Variants in DPCD observed in about 807,000 individuals in gnomAD.
DPCD encodes deleted in primary ciliary dyskinesia homolog (mouse).
DPCD carries 20 observed loss-of-function variants against 26.4 expected under a neutral mutation model. The observed-to-expected ratio is 0.76, with a 90% confidence interval of 0.53 to 1.10. DPCD has a LOEUF of 1.10. DPCD is among the 50% of genes least tolerant of loss of function. DPCD has a pLI of 0.00. For missense variants in DPCD, 202 were observed against 253.9 expected, an observed-to-expected ratio of 0.80 and a Z score of 1.39; for synonymous variants, 97 against 94.2, an observed-to-expected ratio of 1.03 and a Z score of -0.17.
chr10:101,594,717 G>A lies in DPCD; in HGVS notation c.124G>A (p.Glu42Lys), dbSNP rs779878959. Residue 42 changes from glutamate to lysine, a missense_variant, in exon 2 of 6, where the codon GAG (glutamate) becomes AAG (lysine). Around this residue, in one of 3 missense-constraint regions of DPCD, gnomAD observed 37 missense variants for 76.0 expected, o/e 0.49. Coordinates refer to ENST00000370151, the MANE Select transcript of DPCD (RefSeq NM_015448.3). Reference sequence around the variant, plus strand: ...CAAGGAAATGGCTGAAGAATATGACGAGAAGACGAGTGAACTACTTGGTAA... The same window carrying A: ...CAAGGAAATGGCTGAAGAATATGACAAGAAGACGAGTGAACTACTTGGTAA... ...DGKEMAEEYDEKTSELLVRKW... is the reference protein window; with the variant it reads ...DGKEMAEEYDKKTSELLVRKW... 15 of 1,614,048 alleles carry A rather than the reference G, an allele frequency of 9.3e-6. No individual in the cohort carries two copies. Among genetic ancestry groups the A allele is most frequent in the South Asian group, 2.2e-5 (2 of 91,082 alleles).
intron 4 of DPCD, among the ~76,000 whole-genome samples, chr10:101,607,150 C>T (rs1225176640): frequency 6.6e-6 from 1 of 152,206 alleles, no homozygotes; most frequent in Non-Finnish European, 1.5e-5. Context: ...CTGCTTCCCT[C>T]CTGGTTCTGC....
At chr10:101,592,005 C>T (rs904542858) in intron 1 of DPCD, among the ~76,000 whole-genome samples, 6 of 151,966 alleles carry the variant, frequency 3.9e-5, no homozygotes, top group African/African-American at 1.4e-4. Context: ...TATTTTTATA[C>T]ATAAACTTCT....
At position 101,600,688 on chromosome 10, in the gene DPCD, CTCTCATCCTGATGCTTGCT is replaced by C. The variant is rs2063687535; in HGVS notation, c.146-41_146-23del. 6.3e-7 allele frequency: 1 copy of C among 1,594,662 alleles called. No homozygotes were observed. Among genetic ancestry groups the C allele is most frequent in the Non-Finnish European group, 8.5e-7 (1 of 1,171,182 alleles). ...GAAAAGAGCAGAGACCCTCTCTTCA[CTCTCATCCTGATGCTTGCT>C]TCTCATCCCGATGCTTGCTTCTCTC... On this transcript the variant is annotated intron_variant, in intron 2 of 5. Coordinates refer to ENST00000370151, the MANE Select transcript of DPCD (RefSeq NM_015448.3). This position sits in a 1 kb window ranked among gnomAD's most constrained non-coding sequence, Gnocchi z 4.7.
At position 101,590,420 on chromosome 10, in the gene DPCD, T is replaced by C. The variant is rs117590895; in HGVS notation, c.64+2020T>C. On this transcript the variant is annotated intron_variant, in intron 1 of 5. Coordinates refer to ENST00000370151, the MANE Select transcript of DPCD (RefSeq NM_015448.3). ...GCTAAAGATTTAGGACATTTTCTCA[T>C]AGGACAGTGGTTTTTGTTTTTATTG... 7.0e-3 allele frequency among the ~76,000 whole-genome samples: 1,059 copies of C among 152,282 alleles called. 12 individuals are homozygous for C. Among genetic ancestry groups the C allele is most frequent in the Non-Finnish European group, 8.1e-3 (549 of 68,022 alleles).
Position 101,588,375 on chromosome 10 carries a change from C to T in DPCD, c.39C>T (p.Ala13=), listed in dbSNP as rs747891304. ...GCTGGTTGGAGAGTCTGCGGACAGC[C>T]CAGAAGACTGCGCTGCTGCAGGACG... ...VTGWLESLRT[A]QKTALLQDGR... Residue 13 remains alanine, a synonymous_variant, in exon 1 of 6, where the codon GCC becomes GCT. Transcript: ENST00000370151. The T allele has an allele frequency of 3.7e-6, 6 of 1,600,114 alleles. No individual in the cohort carries two copies. The East Asian group carries it at 1.4e-4, about 36-fold the overall frequency.
At chr10:101,599,706 A>C (rs1297078324) in intron 2 of DPCD, among the ~76,000 whole-genome samples, 1 of 152,186 alleles carries the variant, frequency 6.6e-6, no homozygotes, top group East Asian at 1.9e-4. Flanking sequence ...ACCTGGAAAA[A>C]GACACAAACA....
chr10:101,598,929 T>C (rs950206286), intron 2 of DPCD, among the ~76,000 whole-genome samples: 1 of 152,156 alleles, frequency 6.6e-6, no homozygotes, highest in Non-Finnish European at 1.5e-5. Flanking sequence ...CTGGAGTAGA[T>C]GCTTTCTAAA....
intron 2 of DPCD, among the ~76,000 whole-genome samples, chr10:101,599,198 G>C (rs1159597050): frequency 1.3e-5 from 2 of 152,340 alleles, no homozygotes; most frequent in East Asian, 1.9e-4. Context: ...CTATAGTATA[G>C]AGTAGGGTAC....
At chr10:101,605,213 G>T (rs759663981) in intron 4 of DPCD, 1 of 1,550,204 alleles carries the variant, frequency 6.5e-7, no homozygotes, top group South Asian at 1.2e-5. Context: ...CCCCTCTGAG[G>T]TATGTGAGGC....
intron 4 of DPCD, among the ~76,000 whole-genome samples, chr10:101,606,074 G>A (rs759096849): frequency 1.3e-5 from 2 of 152,176 alleles, no homozygotes; most frequent in South Asian, 4.1e-4. Flanking sequence ...GGGGGAGAGC[G>A]GGGCATCTGC....
chr10:101,609,613 G>T lies in DPCD; in HGVS notation c.*142G>T. 2 of 655,674 alleles carry T rather than the reference G, an allele frequency of 3.1e-6. No homozygotes were observed. Among genetic ancestry groups the T allele is most frequent in the South Asian group, 3.9e-5 (2 of 51,132 alleles). The allele number at this position is 655,674 out of a possible 1,614,324, so 40.6% of individuals were successfully genotyped here. Reference sequence around the variant, plus strand: ...TGGGCATGGGGCACTCCTAGCCAGTGAGTCATGGTCATATTTCCTGAGTAA... The same window carrying T: ...TGGGCATGGGGCACTCCTAGCCAGTTAGTCATGGTCATATTTCCTGAGTAA... On this transcript the variant is annotated 3_prime_UTR_variant, in exon 6 of 6. Coordinates refer to ENST00000370151, the MANE Select transcript of DPCD (RefSeq NM_015448.3).
In DPCD at chr10:101,609,600, A is replaced by C. The variant is rs1401494409; in HGVS notation, c.*129A>C. On this transcript the variant is annotated 3_prime_UTR_variant, in exon 6 of 6. Transcript: ENST00000370151. ...GGTCTCTAAGAACTGGGCATGGGGC[A>C]CTCCTAGCCAGTGAGTCATGGTCAT... 2.5e-5 allele frequency: 18 copies of C among 706,986 alleles called. No homozygotes were observed. In the East Asian group the frequency reaches 2.7e-4, roughly 11 times the overall value. 43.8% of individuals were successfully genotyped at this position (706,986 alleles called of 1,614,324 possible). A position where few individuals can be genotyped will look rare whatever the true frequency, so the allele number is the denominator to read the frequency against.
intron 1 of DPCD, among the ~76,000 whole-genome samples, chr10:101,589,909 G>A (rs1428850706): frequency 6.6e-6 from 1 of 151,886 alleles, no homozygotes; most frequent in African/African-American, 2.4e-5. Flanking sequence ...TAAATAAGCC[G>A]TGCATCATGG....
intron 5 of DPCD, 91 bp downstream of exon 5, chr10:101,609,028 T>G (rs1488208350): frequency 9.1e-7 from 1 of 1,098,018 alleles, no homozygotes; most frequent in East Asian, 2.4e-5. Flanking sequence ...TCCTCAGTTC[T>G]AGCCCCAAGC....
chr10:101,591,745 A>G lies in DPCD; in HGVS notation c.65-2913A>G, dbSNP rs1191307929. ...TGCCCAAACTGGAGTGCAATGGCGC[A>G]ATCTCGGCGCACTGCAACCTTTGCC... On this transcript the variant is annotated intron_variant, in intron 1 of 5. Transcript: ENST00000370151. Among the ~76,000 whole-genome samples the G allele has an allele frequency of 2.0e-5, 3 of 152,220 alleles. No homozygotes were observed. The East Asian group carries it at 5.8e-4, about 29-fold the overall frequency.
chr10:101,599,550 T>A (rs2134767850), intron 2 of DPCD, among the ~76,000 whole-genome samples: 1 of 152,370 alleles, frequency 6.6e-6, no homozygotes, highest in East Asian at 1.9e-4. Flanking sequence ...GGGAAAATTC[T>A]AATTTTACAG....
In DPCD at chr10:101,588,327, C is replaced by A; in HGVS notation, c.-10C>A. The A allele has an allele frequency of 6.2e-7, 1 of 1,600,436 alleles. No individual in the cohort carries two copies. The highest frequency in any genetic ancestry group is 8.5e-7 in the Non-Finnish European group (1 of 1,172,548). The stretch of plus-strand genomic sequence containing the variant: ...GGCAGCGGCTGGGCGTGCTGCTTAG[C>A]AGGGGAAAGATGGCGGTGACGGGCT... On this transcript the variant is annotated 5_prime_UTR_variant, in exon 1 of 6. Coordinates refer to ENST00000370151, the MANE Select transcript of DPCD (RefSeq NM_015448.3).
intron 1 of DPCD, among the ~76,000 whole-genome samples, chr10:101,590,579 ATTCT>A (rs1393587345): frequency 6.7e-6 from 1 of 149,682 alleles, no homozygotes; most frequent in Admixed American, 6.7e-5. Flanking sequence ...CTCAACGGAA[ATTCT>A]TTTTTTTTTT....
At chr10:101,607,529 G>A (rs1322590550) in intron 4 of DPCD, among the ~76,000 whole-genome samples, 3 of 152,166 alleles carry the variant, frequency 2.0e-5, no homozygotes, top group African/African-American at 7.2e-5. Context: ...AACCTGGGAG[G>A]AGAGGGGCCC....
Sources: allele counts gnomAD v4.1 joint callset (sites outside exome capture counted in the v4.1 genomes callset), GRCh38; gene constraint gnomAD v4.1.1; regional missense constraint gnomAD v4.1.1; non-coding constraint Gnocchi (gnomAD v3.1); transcripts MANE v1.5; gene names NCBI Gene and HGNC (gene_info 2026-07-23, HGNC 2026-07-21).